GPHN: variants seen among roughly 807,000 people sequenced by gnomAD.
The protein encoded by GPHN is gephyrin.
In GPHN, 17 loss-of-function variants were observed where a neutral mutation model predicts 95.5. That is an observed-to-expected ratio of 0.18 (90% CI 0.12 to 0.27). The LOEUF is 0.27. GPHN is among the 10% of genes least tolerant of loss of function. The pLI is 1.00. For missense variants in GPHN, 660 were observed against 978.1 expected, an observed-to-expected ratio of 0.67 and a Z score of 4.34; for synonymous variants, 320 against 322.5, an observed-to-expected ratio of 0.99 and a Z score of 0.08.
the GPHN span, among the ~76,000 whole-genome samples, chr14:67,264,297 A>G: frequency 2.6e-5 from 4 of 152,184 alleles, no homozygotes; most frequent in Admixed American, 2.0e-4. Context: ...CATATGTAGC[A>G]CAGTGTTGAG....
At chr14:67,501,775 A>C in the GPHN span, among the ~76,000 whole-genome samples, 1 of 152,208 alleles carries the variant, frequency 6.6e-6, no homozygotes, top group East Asian at 1.9e-4. Flanking sequence ...AAGATTTTTT[A>C]AAAGGTAATG....
At chr14:66,721,978 A>T (rs1014035202) in intron 2 of GPHN, among the ~76,000 whole-genome samples, 1 of 151,286 alleles carries the variant, frequency 6.6e-6, no homozygotes, top group African/African-American at 2.4e-5. Context: ...AAAAGGAAAA[A>T]AAAGAATTTG....
chr14:66,886,079 A>G (rs1172148775), intron 5 of GPHN, among the ~76,000 whole-genome samples: 2 of 152,322 alleles, frequency 1.3e-5, no homozygotes, highest in African/African-American at 4.8e-5. Flanking sequence ...CTAAAGGAAT[A>G]TATTGATAAT....
intron 1 of GPHN, among the ~76,000 whole-genome samples, chr14:66,615,216 G>A (rs1397457603): frequency 6.6e-6 from 1 of 151,982 alleles, no homozygotes; most frequent in Non-Finnish European, 1.5e-5. Context: ...TAATCCTTTG[G>A]GTATATACCC....
In GPHN at chr14:66,853,115, AT is replaced by A. The variant is rs575827226; in HGVS notation, c.295-26822del. Among the ~76,000 whole-genome samples the A allele has an allele frequency of 4.9e-3, 753 of 152,308 alleles. 12 individuals carry two copies. The highest frequency in any genetic ancestry group is 0.018 in the African/African-American group (734 of 41,578). ...TCTGTTGCATTTGGGGAACATCTGT[AT>A]TAGGTCCAAATTTTAGTGAATTCTA... On this transcript the variant is annotated intron_variant, in intron 4 of 22. Transcript: ENST00000478722.
At chr14:66,684,457 A>G (rs966538805) in intron 2 of GPHN, among the ~76,000 whole-genome samples, 3 of 152,238 alleles carry the variant, frequency 2.0e-5, no homozygotes, top group Non-Finnish European at 4.4e-5. Flanking sequence ...AGTCAGAGCT[A>G]GATGAGGGGC....
At chr14:67,033,516 AT>A (rs1016770220) in intron 10 of GPHN, among the ~76,000 whole-genome samples, 3 of 152,016 alleles carry the variant, frequency 2.0e-5, no homozygotes, top group African/African-American at 7.2e-5. Flanking sequence ...GTGAGCCAAG[AT>A]TACACCACTG....
At chr14:67,011,398 C>A (rs2072993687) in intron 9 of GPHN, among the ~76,000 whole-genome samples, 1 of 150,564 alleles carries the variant, frequency 6.6e-6, no homozygotes, top group African/African-American at 2.4e-5. Flanking sequence ...CATAGGGTGA[C>A]CCCACCTCTA....
chr14:66,531,839 A>G (rs1007132285), intron 1 of GPHN, among the ~76,000 whole-genome samples: 3 of 152,242 alleles, frequency 2.0e-5, no homozygotes, highest in Non-Finnish European at 4.4e-5. Flanking sequence ...CAAGTACTGT[A>G]TGACAGGGTT....
chr14:66,957,734 C>T (rs1219234676), intron 8 of GPHN, among the ~76,000 whole-genome samples: 1 of 152,060 alleles, frequency 6.6e-6, no homozygotes, highest in Non-Finnish European at 1.5e-5. Context: ...TTGAAGGGGT[C>T]CCCAAGCCCC....
chr14:67,070,715 A>AAAAAAAATATATATAT, intron 11 of GPHN, among the ~76,000 whole-genome samples: 4 of 80,738 alleles, frequency 5.0e-5, no homozygotes, highest in Non-Finnish European at 5.6e-5. Context: ...AAAAAAAAAA[A>AAAAAAAATATATATAT]ATATATATAT....
intron 10 of GPHN, among the ~76,000 whole-genome samples, chr14:67,024,076 A>G (rs2073802626): frequency 6.6e-6 from 1 of 152,196 alleles, no homozygotes; most frequent in Non-Finnish European, 1.5e-5. Context: ...CATCATACTC[A>G]TTTTGTGAAT....
chr14:66,960,325 T>C (rs1222863164), intron 8 of GPHN, among the ~76,000 whole-genome samples: 2 of 151,858 alleles, frequency 1.3e-5, no homozygotes, highest in African/African-American at 4.8e-5. Context: ...CTTATTTCTT[T>C]GCATGCTTCA....
the GPHN span, among the ~76,000 whole-genome samples, chr14:67,680,486 G>A: frequency 3.2e-4 from 49 of 152,104 alleles, no homozygotes; most frequent in Admixed American, 1.0e-3. Flanking sequence ...GTTTTTTTTA[G>A]ACAGGGTCTC....
At chr14:67,568,499 A>G in the GPHN span, among the ~76,000 whole-genome samples, 11 of 152,266 alleles carry the variant, frequency 7.2e-5, no homozygotes, top group South Asian at 2.3e-3. Context: ...TGCTGGGATT[A>G]ATACCTAGGT....
the GPHN span, among the ~76,000 whole-genome samples, chr14:67,716,398 A>G: frequency 6.6e-6 from 1 of 152,186 alleles, no homozygotes; most frequent in African/African-American, 2.4e-5. Flanking sequence ...AGCTGAAAAA[A>G]AATTCCATTT....
intron 19 of GPHN, among the ~76,000 whole-genome samples, chr14:67,160,364 A>T (rs1233897619): frequency 2.0e-5 from 3 of 152,122 alleles, no homozygotes; most frequent in African/African-American, 7.2e-5. Context: ...ATGTTTCATT[A>T]AGTAGGCTTT....
At chr14:67,579,829 G>A in the GPHN span, 5 of 1,608,162 alleles carry the variant, frequency 3.1e-6, no homozygotes, top group Non-Finnish European at 4.2e-6. Context: ...CTTCACGGAC[G>A]ATCCCTCGGG....
At chr14:66,647,824 C>T (rs192435550) in intron 1 of GPHN, among the ~76,000 whole-genome samples, 123 of 152,130 alleles carry the variant, frequency 8.1e-4, no homozygotes, top group Non-Finnish European at 1.3e-3. Context: ...TATGTATGTG[C>T]ATATTAAATG....
Sources: allele counts gnomAD v4.1 joint callset (sites outside exome capture counted in the v4.1 genomes callset), GRCh38; gene constraint gnomAD v4.1.1; transcripts MANE v1.5; gene names NCBI Gene and HGNC (gene_info 2026-07-23, HGNC 2026-07-21).